SCAI: variants seen among roughly 807,000 people sequenced by gnomAD.
SCAI encodes the protein protein SCAI.
A neutral mutation model predicts 92.2 loss-of-function variants in SCAI; 24 were observed. The ratio of observed to expected loss-of-function variants is 0.26; its 90% confidence interval spans 0.19 to 0.37. The LOEUF is 0.37. Among genes scored for constraint, SCAI ranks in the 10% least tolerant of loss-of-function variants. The probability of loss-of-function intolerance (pLI) is 1.00; values close to 1 mark genes in which losing one functional copy is unlikely to be tolerated. For missense variants in SCAI, 450 were observed against 736.2 expected (o/e 0.61, Z 4.50); for synonymous variants, 261 against 258.6 (o/e 1.01, Z -0.09).
intron 2 of SCAI, among the ~76,000 whole-genome samples, chr9:125,075,344 A>G (rs537093688): frequency 6.6e-6 from 1 of 152,232 alleles, no homozygotes; most frequent in East Asian, 1.9e-4. Context: ...CCAATCAGCA[A>G]GCTATTAGGT....
At chr9:124,954,244 AT>A (rs1263236758) in intron 17 of SCAI, among the ~76,000 whole-genome samples, 1 of 152,256 alleles carries the variant, frequency 6.6e-6, no homozygotes, top group Non-Finnish European at 1.5e-5. Flanking sequence ...TTAGTTTAAT[AT>A]CAAATGGAAC....
intron 14 of SCAI, among the ~76,000 whole-genome samples, chr9:124,980,027 G>T (rs1365270311): frequency 1.3e-5 from 2 of 149,208 alleles, no homozygotes; most frequent in East Asian, 2.0e-4. Context: ...TCCAGCCTGG[G>T]TGACAGAGCA....
chr9:125,067,646 TTC>T (rs1229489010), intron 2 of SCAI, among the ~76,000 whole-genome samples: 1 of 152,188 alleles, frequency 6.6e-6, no homozygotes, highest in African/African-American at 2.4e-5. Context: ...AAGCATAAAT[TTC>T]TGTTGTTTTA....
In SCAI at chr9:125,042,582, T is replaced by G. The variant is rs550328928; in HGVS notation, c.231-12843A>C. On this transcript the variant is annotated intron_variant, in intron 3 of 17. Coordinates refer to ENST00000336505, the MANE Select transcript of SCAI (RefSeq NM_001144877.3). ...CTTCCATTAACTTCTCTTTCCTTAG[T>G]CCAGTCCCTAAATGCATGGCTTCCA... 1.9e-4 allele frequency among the ~76,000 whole-genome samples: 27 copies of G among 145,806 alleles called. No homozygotes were observed. The South Asian group carries it at 2.0e-3, about 11-fold the overall frequency.
intron 6 of SCAI, among the ~76,000 whole-genome samples, chr9:125,022,765 C>T (rs985203302): frequency 5.9e-5 from 9 of 152,036 alleles, no homozygotes; most frequent in Non-Finnish European, 8.8e-5. Context: ...TTCTAAGAGG[C>T]ATACTGATAA....
intron 2 of SCAI, among the ~76,000 whole-genome samples, chr9:125,109,939 C>T (rs1281345333): frequency 2.0e-5 from 3 of 152,122 alleles, no homozygotes; most frequent in African/African-American, 7.2e-5. Context: ...CCACCCGCCT[C>T]GGCCTCCCAA....
chr9:125,044,187 C>T (rs1479846255), intron 3 of SCAI, among the ~76,000 whole-genome samples: 1 of 152,098 alleles, frequency 6.6e-6, no homozygotes. Flanking sequence ...TAATGACGAG[C>T]ATGGGAGGCG....
At chr9:125,130,078 T>A (rs1241651662) in intron 2 of SCAI, among the ~76,000 whole-genome samples, 1 of 150,542 alleles carries the variant, frequency 6.6e-6, no homozygotes, top group Non-Finnish European at 1.5e-5. Context: ...TTTGTATTTT[T>A]AGTAGAGACG....
Position 125,043,095 on chromosome 9 carries a change from T to C in SCAI, c.230+12781A>G, listed in dbSNP as rs1034960726. 2.0e-5 allele frequency among the ~76,000 whole-genome samples: 3 copies of C among 152,144 alleles called. No individual in the cohort carries two copies. In the East Asian group the frequency reaches 5.8e-4, roughly 29 times the overall value. On this transcript the variant is annotated intron_variant, in intron 3 of 17. Coordinates refer to ENST00000336505, the MANE Select transcript of SCAI (RefSeq NM_001144877.3). Reference sequence around the variant, plus strand: ...GTTGGCCAGGCTGGTCTTGAACTCCTGACGTCAAGTGATCCACCTGCCCTG... The same window carrying C: ...GTTGGCCAGGCTGGTCTTGAACTCCCGACGTCAAGTGATCCACCTGCCCTG...
At chr9:124,978,341 T>C (rs1394517388) in intron 14 of SCAI, among the ~76,000 whole-genome samples, 1 of 152,190 alleles carries the variant, frequency 6.6e-6, no homozygotes, top group Non-Finnish European at 1.5e-5. Flanking sequence ...CTCAGGAAGC[T>C]GAGGCAGGAG....
intron 3 of SCAI, among the ~76,000 whole-genome samples, chr9:125,045,145 G>A (rs759084777): frequency 2.6e-5 from 4 of 152,172 alleles, no homozygotes; most frequent in Non-Finnish European, 5.9e-5. Flanking sequence ...GGGCAAAGGT[G>A]CCACTAGCCA....
intron 14 of SCAI, among the ~76,000 whole-genome samples, chr9:124,988,276 T>C (rs1832040400): frequency 6.6e-6 from 1 of 151,990 alleles, no homozygotes; most frequent in South Asian, 2.1e-4. Flanking sequence ...GAATCACCCC[T>C]CAGAGCTTCT....
Position 125,054,048 on chromosome 9 carries a change from C to T in SCAI, c.230+1828G>A, listed in dbSNP as rs114254655. 4.7e-3 allele frequency among the ~76,000 whole-genome samples: 709 copies of T among 152,238 alleles called. 11 individuals are homozygous for T. Among genetic ancestry groups the T allele is most frequent in the African/African-American group, 0.016 (673 of 41,530 alleles). ...GGAGTGCAGTGGTGTGATCACAGTT[C>T]ACTGAAGCCTCGATCTCCTGGGCTT... On this transcript the variant is annotated intron_variant, in intron 3 of 17. Coordinates refer to ENST00000336505, the MANE Select transcript of SCAI (RefSeq NM_001144877.3).
rs190820886 is a variant in SCAI, at chr9:125,107,884, G to A, written c.98+34749C>T. On this transcript the variant is annotated intron_variant, in intron 2 of 17. Transcript: ENST00000336505. ...CCACGGTCTCCCTCTGATGCCGAGC[G>A]GAAGCTGGACTGTACTGCTGCCGTC... 7.2e-5 allele frequency among the ~76,000 whole-genome samples: 11 copies of A among 152,262 alleles called. No homozygotes were observed. In the East Asian group the frequency reaches 1.5e-3, roughly 21 times the overall value.
At chr9:125,137,091 A>G (rs548107948) in intron 2 of SCAI, among the ~76,000 whole-genome samples, 1 of 152,266 alleles carries the variant, frequency 6.6e-6, no homozygotes, top group South Asian at 2.1e-4. Flanking sequence ...GGCTACAACC[A>G]TTACATCCTT....
At chr9:125,006,153 TA>T (rs1420702536) in intron 9 of SCAI, among the ~76,000 whole-genome samples, 2 of 151,978 alleles carry the variant, frequency 1.3e-5, no homozygotes, top group Non-Finnish European at 2.9e-5. Context: ...ACAAAAATCA[TA>T]AAACGCATGA....
At chr9:125,024,093 TTTTCC>T (rs1303840219) in intron 6 of SCAI, among the ~76,000 whole-genome samples, 1 of 152,106 alleles carries the variant, frequency 6.6e-6, no homozygotes, top group Non-Finnish European at 1.5e-5. Flanking sequence ...CTGGAGTTTA[TTTTCC>T]TTTCCTGCCT....
rs926013195 is a variant in SCAI, at chr9:125,105,026, G to A, written c.98+37607C>T. Among the ~76,000 whole-genome samples, 6 of 151,840 alleles carry A rather than the reference G, an allele frequency of 4.0e-5. No individual in the cohort carries two copies. The East Asian group carries it at 5.8e-4, about 15-fold the overall frequency. ...CCTGAATAATAATAGTCTTCAAAGG[G>A]GCTTGACAGTTTTTCACTTCTGCTG... On this transcript the variant is annotated intron_variant, in intron 2 of 17. Coordinates refer to ENST00000336505, the MANE Select transcript of SCAI (RefSeq NM_001144877.3).
At chr9:125,058,594 A>G (rs1833716748) in intron 2 of SCAI, among the ~76,000 whole-genome samples, 6 of 152,204 alleles carry the variant, frequency 3.9e-5, no homozygotes, top group African/African-American at 1.2e-4. Context: ...GTGTGTCTAC[A>G]TAAGCACACA....
Sources: allele counts gnomAD v4.1 joint callset (sites outside exome capture counted in the v4.1 genomes callset), GRCh38; gene constraint gnomAD v4.1.1; transcripts MANE v1.5; gene names NCBI Gene and HGNC (gene_info 2026-07-23, HGNC 2026-07-21).